ALMS1: variants seen among roughly 807,000 people sequenced by gnomAD.
ALMS1 encodes centrosome-associated protein ALMS1.
In ALMS1, 271 loss-of-function variants were observed where a neutral mutation model predicts 352.2. The observed-to-expected ratio is 0.77, with a 90% CI of 0.70 to 0.85. The LOEUF is 0.85. ALMS1 is among the 40% of genes least tolerant of loss of function. ALMS1 has a pLI of 0.00. For synonymous variants in ALMS1, 1,865 were observed against 1,761.2 expected (o/e 1.06, Z -1.48); for missense variants, 5,445 against 4,870.7 (o/e 1.12, Z -3.51).
chr2:73,437,329 A>G (rs948579799), intron 7 of ALMS1, among the ~76,000 whole-genome samples: 2 of 152,210 alleles, frequency 1.3e-5, no homozygotes, highest in African/African-American at 4.8e-5. Context: ...GGTAGTAGTT[A>G]GTCCCTGTTC....
At chr2:73,585,392 CTTT>C (rs760209126) in intron 16 of ALMS1, among the ~76,000 whole-genome samples, 49 of 122,532 alleles carry the variant, frequency 4.0e-4, no homozygotes, top group African/African-American at 7.5e-4. Flanking sequence ...TGATGATGAG[CTTT>C]TTTTTTTTTT....
At chr2:73,403,935 T>C (rs1670920975) in intron 1 of ALMS1, among the ~76,000 whole-genome samples, 1 of 152,234 alleles carries the variant, frequency 6.6e-6, no homozygotes, top group African/African-American at 2.4e-5. Context: ...AGTCTCACTC[T>C]GTTGCCCAGG....
rs182082784 is a variant in ALMS1 at position 73,448,810 on chromosome 2, T to C, written c.2283T>C (p.Ser761=). 1 of 1,614,076 alleles carries C rather than the reference T, an allele frequency of 6.2e-7. No homozygotes were observed. Among genetic ancestry groups the C allele is most frequent in the Non-Finnish European group, 8.5e-7 (1 of 1,179,970 alleles). The part of the protein sequence containing the change: ...DQKTEIPAVQ[S]SSYSQREKPS... Reference sequence around the variant, plus strand: ...AGACTGAGATACCAGCAGTACAGTCTAGTTCTTACTCACAAAGAGAAAAGC... The same window carrying C: ...AGACTGAGATACCAGCAGTACAGTCCAGTTCTTACTCACAAAGAGAAAAGC... The change falls in exon 8 of 23, where the codon TCT becomes TCC. Residue 761 remains serine, a synonymous_variant. Coordinates refer to ENST00000613296, the MANE Select transcript of ALMS1 (RefSeq NM_001378454.1).
chr2:73,461,587 C>T (rs190409550), intron 9 of ALMS1, among the ~76,000 whole-genome samples: 26 of 152,244 alleles, frequency 1.7e-4, no homozygotes, highest in African/African-American at 6.3e-4. Flanking sequence ...TCAGCAGCAA[C>T]GGAACAAAGC....
At chr2:73,426,416 A>C (rs747041911) in intron 5 of ALMS1, 37 bp from the exon 6 acceptor site, 2 of 1,603,304 alleles carry the variant, frequency 1.2e-6, no homozygotes, top group African/African-American at 1.3e-5. Context: ...TAGTTTTACT[A>C]TACATACAAT....
intron 9 of ALMS1, among the ~76,000 whole-genome samples, chr2:73,481,358 C>G (rs956753088): frequency 6.6e-5 from 10 of 152,178 alleles, no homozygotes; most frequent in South Asian, 2.1e-4. Flanking sequence ...GCTTGTTTTT[C>G]TCAGGTTTGT....
At chr2:73,481,985 A>G (rs1055211308) in intron 9 of ALMS1, among the ~76,000 whole-genome samples, 2 of 152,072 alleles carry the variant, frequency 1.3e-5, no homozygotes, top group African/African-American at 2.4e-5. Context: ...GGGCTGAGAC[A>G]GTGGGGTTTT....
intron 12 of ALMS1, among the ~76,000 whole-genome samples, chr2:73,549,750 C>T (rs1674390989): frequency 6.6e-6 from 1 of 152,152 alleles, no homozygotes; most frequent in Admixed American, 6.5e-5. Context: ...TGCATCTCTG[C>T]CTTGTATTAT....
intron 10 of ALMS1, among the ~76,000 whole-genome samples, chr2:73,501,757 T>C (rs1198653333): frequency 1.3e-5 from 2 of 152,100 alleles, no homozygotes; most frequent in Non-Finnish European, 2.9e-5. Context: ...TTCAAAATTA[T>C]TTTTGCTATT....
chr2:73,463,285 G>A (rs1273857440), intron 9 of ALMS1, among the ~76,000 whole-genome samples: 7 of 152,292 alleles, frequency 4.6e-5, no homozygotes, highest in South Asian at 2.1e-4. Flanking sequence ...TTGGAACTCA[G>A]GATTCAGAAT....
rs549000856 is a variant in ALMS1, at chr2:73,464,698, C to T, written c.7674+9403C>T. Among the ~76,000 whole-genome samples, 927 of 152,140 alleles carry T rather than the reference C, an allele frequency of 6.1e-3. 13 individuals carry two copies. Among genetic ancestry groups the T allele is most frequent in the African/African-American group, 0.021 (877 of 41,508 alleles). ...ACATGATTGTATATCTAGAAAACCC[C>T]GTTGTCTCAGCCCAAAATCTCCTTA... On this transcript the variant is annotated intron_variant, in intron 9 of 22. Transcript: ENST00000613296.
At chr2:73,543,048 G>C (rs1330803065) in intron 12 of ALMS1, among the ~76,000 whole-genome samples, 2 of 151,856 alleles carry the variant, frequency 1.3e-5, no homozygotes, top group Non-Finnish European at 2.9e-5. Context: ...AAAAGAGCCT[G>C]CATCGCCACG....
chr2:73,432,347 T>C, intron 7 of ALMS1, 56 bp downstream of exon 7: 1 of 1,288,790 alleles, frequency 7.8e-7, no homozygotes, highest in Non-Finnish European at 1.1e-6. Context: ...TGTGAAAAAA[T>C]ATCTTGTTAG....
chr2:73,524,588 G>A (rs532297541), intron 11 of ALMS1, among the ~76,000 whole-genome samples: 1 of 152,220 alleles, frequency 6.6e-6, no homozygotes, highest in Non-Finnish European at 1.5e-5. Context: ...GAGTAGCTGG[G>A]ATTACAGGCA....
rs397972016 is a variant in ALMS1, at chr2:73,391,294, C to CTTTTTTTT, written c.324+5112_324+5119dup. Among the ~76,000 whole-genome samples the CTTTTTTTT allele has an allele frequency of 3.6e-3, 416 of 114,892 alleles. 31 individuals are homozygous for CTTTTTTTT. Among genetic ancestry groups the CTTTTTTTT allele is most frequent in the Non-Finnish European group, 4.3e-3 (260 of 60,162 alleles). The allele number at this position is 114,892 out of a possible 152,430, so 75.4% of individuals were successfully genotyped here. A position where few individuals can be genotyped will look rare whatever the true frequency, so the allele number is the denominator to read the frequency against. Reference sequence around the variant, plus strand: ...TTAACCTATTCATATACGTTTTATTCTTTTTTTTTTTTTTTTTGAGACGGA... The same window carrying CTTTTTTTT: ...TTAACCTATTCATATACGTTTTATTCTTTTTTTTTTTTTTTTTTTTTTTTTGAGACGGA... On this transcript the variant is annotated intron_variant, in intron 1 of 22. Coordinates refer to ENST00000613296, the MANE Select transcript of ALMS1 (RefSeq NM_001378454.1).
chr2:73,450,381 C>T lies in ALMS1; in HGVS notation c.3854C>T (p.Ser1285Phe), dbSNP rs1163469763. The change falls in exon 8 of 23, where the codon TCC becomes TTC. Residue 1285 changes from serine (S) to phenylalanine (F), a missense_variant. Ser to Phe is a radical substitution (Grantham distance 155). Coordinates refer to ENST00000613296, the MANE Select transcript of ALMS1 (RefSeq NM_001378454.1). Reference sequence around the variant, plus strand: ...GGCACACCAGCTGTAACCTCTACTTCCTACTCACAATATAGAGAGAAGCCC... The same window carrying T: ...GGCACACCAGCTGTAACCTCTACTTTCTACTCACAATATAGAGAGAAGCCC... Reference protein sequence around the residue: ...TTGTPAVTSTSYSQYREKPSI... With the variant: ...TTGTPAVTSTFYSQYREKPSI... 6.2e-7 allele frequency: 1 copy of T among 1,613,178 alleles called. No individual in the cohort carries two copies. Among genetic ancestry groups the T allele is most frequent in the Non-Finnish European group, 8.5e-7 (1 of 1,179,826 alleles).
At chr2:73,478,953 TC>T (rs901586388) in intron 9 of ALMS1, among the ~76,000 whole-genome samples, 30 of 152,244 alleles carry the variant, frequency 2.0e-4, no homozygotes, top group Non-Finnish European at 3.2e-4. Context: ...GGTTTTCTGT[TC>T]CTGTGTTAGT....
At position 73,599,492 on chromosome 2, in the gene ALMS1, T is replaced by A; in HGVS notation, c.11639T>A (p.Val3880Glu). ...TCTACTTTTTGCAACAAGCAGAATG[T>A]ACACATGTTAAACAAGGGCATACAA... ...SNSTFCNKQNVHMLNKGIQAG... is the reference protein window; with the variant it reads ...SNSTFCNKQNEHMLNKGIQAG... Residue 3880 changes from valine to glutamate, a missense_variant, in exon 17 of 23, where the codon GTA becomes GAA. Val to Glu is a moderately radical substitution (Grantham distance 121). Transcript: ENST00000613296. 1.2e-6 allele frequency: 2 copies of A among 1,613,708 alleles called. No homozygotes were observed. The highest frequency in any genetic ancestry group is 1.7e-6 in the Non-Finnish European group (2 of 1,179,742).
chr2:73,568,980 C>G (rs145153449), intron 15 of ALMS1, among the ~76,000 whole-genome samples: 1,352 of 117,444 alleles, frequency 0.012, 37 homozygotes, highest in African/African-American at 0.041. Context: ...AGCTTGCTTG[C>G]TGCTGCTTCT....
Sources: allele counts gnomAD v4.1 joint callset (sites outside exome capture counted in the v4.1 genomes callset), GRCh38; gene constraint gnomAD v4.1.1; transcripts MANE v1.5; gene names NCBI Gene and HGNC (gene_info 2026-07-23, HGNC 2026-07-21).